Variants in TENM2 observed in about 807,000 individuals in gnomAD.
TENM2 encodes the protein teneurin transmembrane protein 2, also known as teneurin-2.
In TENM2, 52 loss-of-function variants were observed where a neutral mutation model predicts 245.2. The observed-to-expected ratio is 0.21, with a 90% CI of 0.17 to 0.27. TENM2 has a LOEUF of 0.27. Among genes scored for constraint, TENM2 ranks in the 10% least tolerant of loss-of-function variants. TENM2 has a pLI of 1.00. For missense variants in TENM2, 3,046 were observed against 3,666.8 expected, an observed-to-expected ratio of 0.83 and a Z score of 4.37; for synonymous variants, 1,363 against 1,438.9, an observed-to-expected ratio of 0.95 and a Z score of 1.19.
chr5:167,185,195 T>G, the TENM2 span, among the ~76,000 whole-genome samples: 3 of 152,164 alleles, frequency 2.0e-5, no homozygotes, highest in Non-Finnish European at 2.9e-5. Context: ...CTGATTTCAC[T>G]GTTGCATGAC....
chr5:168,139,961 C>A (rs1049858029), intron 12 of TENM2, among the ~76,000 whole-genome samples: 1 of 152,198 alleles, frequency 6.6e-6, no homozygotes, highest in African/African-American at 2.4e-5. Flanking sequence ...TTGTGCAGGC[C>A]ATTCAAACAA....
the TENM2 span, among the ~76,000 whole-genome samples, chr5:167,258,213 A>G: frequency 7.0e-6 from 1 of 142,458 alleles, no homozygotes; most frequent in African/African-American, 2.6e-5. Flanking sequence ...ATATATATAT[A>G]TGTATATATA....
intron 12 of TENM2, among the ~76,000 whole-genome samples, chr5:168,133,300 A>T (rs1325316857): frequency 1.3e-5 from 2 of 152,232 alleles, no homozygotes; most frequent in Non-Finnish European, 2.9e-5. Context: ...GTAGGTAGTG[A>T]TATTAGGCCT....
chr5:167,553,377 G>A (rs550428375), intron 2 of TENM2, among the ~76,000 whole-genome samples: 1 of 152,298 alleles, frequency 6.6e-6, no homozygotes, highest in East Asian at 1.9e-4. Context: ...TACTGTGTCA[G>A]TAAATAGCGC....
chr5:167,292,287 A>G (rs1754685093), intron 1 of TENM2, among the ~76,000 whole-genome samples: 1 of 152,324 alleles, frequency 6.6e-6, no homozygotes, highest in African/African-American at 2.4e-5. Flanking sequence ...CAAGTGGGAA[A>G]TTTAATTGTC....
rs70976439 is a variant in TENM2 at position 167,638,090 on chromosome 5, G to GGT, written c.503-237843_503-237842dup. The stretch of plus-strand genomic sequence containing the variant: ...TGGACTATAAAGACAGAACAGGGCA[G>GGT]GTGTGTGTGTGTGTGTGTGTGTGTG... On this transcript the variant is annotated intron_variant, in intron 2 of 28. Coordinates refer to ENST00000518659, the Ensembl canonical transcript of TENM2. Among the ~76,000 whole-genome samples, 226 of 137,676 alleles carry GGT rather than the reference G, an allele frequency of 1.6e-3. 1 individual carries two copies. Among genetic ancestry groups the GGT allele is most frequent in the Admixed American group, 4.7e-3 (64 of 13,674 alleles). The allele number at this position is 137,676 out of a possible 152,430, so 90.3% of individuals were successfully genotyped here.
At chr5:167,883,957 T>C (rs1774082596) in intron 3 of TENM2, among the ~76,000 whole-genome samples, 1 of 152,186 alleles carries the variant, frequency 6.6e-6, no homozygotes, top group Non-Finnish European at 1.5e-5. Context: ...CTTAGACCCA[T>C]ACCCAAAATA....
the TENM2 span, among the ~76,000 whole-genome samples, chr5:167,087,062 G>T: frequency 5.3e-5 from 8 of 151,970 alleles, no homozygotes; most frequent in South Asian, 1.2e-3. Context: ...AAGATGATAT[G>T]GTGCAAGCTG....
chr5:167,465,809 T>A (rs1766611975), intron 2 of TENM2, among the ~76,000 whole-genome samples: 1 of 150,348 alleles, frequency 6.7e-6, no homozygotes, highest in South Asian at 2.1e-4. Flanking sequence ...CTGGCCTGGG[T>A]GACAGAGTGA....
chr5:167,936,195 T>C (rs1778700243), intron 3 of TENM2, among the ~76,000 whole-genome samples: 1 of 152,268 alleles, frequency 6.6e-6, no homozygotes, highest in Non-Finnish European at 1.5e-5. Flanking sequence ...TTGTGATGAG[T>C]AATGTAGTCC....
chr5:167,129,365 T>C, the TENM2 span, among the ~76,000 whole-genome samples: 2 of 152,208 alleles, frequency 1.3e-5, no homozygotes, highest in African/African-American at 4.8e-5. Context: ...GTGGAGGCCA[T>C]ATGAGAGATA....
intron 2 of TENM2, among the ~76,000 whole-genome samples, chr5:167,541,000 G>A (rs1461621247): frequency 6.6e-6 from 1 of 152,088 alleles, no homozygotes; most frequent in Non-Finnish European, 1.5e-5. Context: ...TAAATGGAAG[G>A]GCAAGTGGCC....
chr5:167,446,609 T>G (rs1441231635), intron 2 of TENM2, among the ~76,000 whole-genome samples: 2 of 152,176 alleles, frequency 1.3e-5, no homozygotes, highest in Non-Finnish European at 2.9e-5. Context: ...CTGTTACCCA[T>G]AACATTTTAT....
At chr5:168,131,048 A>C (rs1754536407) in intron 12 of TENM2, among the ~76,000 whole-genome samples, 1 of 152,220 alleles carries the variant, frequency 6.6e-6, no homozygotes, top group Non-Finnish European at 1.5e-5. Flanking sequence ...AGTAGATGTT[A>C]GCGTGTGTTA....
intron 2 of TENM2, among the ~76,000 whole-genome samples, chr5:167,509,798 C>G (rs1006057557): frequency 1.3e-5 from 2 of 152,096 alleles, no homozygotes; most frequent in Non-Finnish European, 2.9e-5. Flanking sequence ...TTTATTATCC[C>G]TTTCTGGGCT....
intron 2 of TENM2, among the ~76,000 whole-genome samples, chr5:167,477,227 G>A: frequency 7.0e-6 from 1 of 142,330 alleles, no homozygotes; most frequent in Admixed American, 7.1e-5. Flanking sequence ...ATTTTTCAGT[G>A]AAACTAGAAT....
chr5:167,168,853 G>T, the TENM2 span, among the ~76,000 whole-genome samples: 1 of 152,162 alleles, frequency 6.6e-6, no homozygotes, highest in Non-Finnish European at 1.5e-5. Context: ...TCTGCCTCCT[G>T]GATTCAAGCG....
chr5:168,096,354 C>G (rs1316060839), intron 8 of TENM2, among the ~76,000 whole-genome samples: 5 of 152,178 alleles, frequency 3.3e-5, no homozygotes, highest in African/African-American at 1.2e-4. Flanking sequence ...ATGAAACAAA[C>G]AGGTAGCCAC....
the TENM2 span, among the ~76,000 whole-genome samples, chr5:167,013,449 A>G: frequency 7.9e-5 from 12 of 152,222 alleles, no homozygotes; most frequent in Non-Finnish European, 5.9e-5. Flanking sequence ...GGTAAATGAA[A>G]GAAATGAACA....
Sources: allele counts gnomAD v4.1 joint callset (sites outside exome capture counted in the v4.1 genomes callset), GRCh38; gene constraint gnomAD v4.1.1; transcripts MANE v1.5; gene names NCBI Gene and HGNC (gene_info 2026-07-23, HGNC 2026-07-21).